TTC3: variants seen among roughly 807,000 people sequenced by gnomAD.
TTC3 encodes tetratricopeptide repeat domain 3.
A neutral mutation model predicts 249.6 loss-of-function variants in TTC3; 180 were observed. The observed-to-expected ratio is 0.72, with a 90% CI of 0.64 to 0.82. TTC3 has a LOEUF of 0.82. Ranked by LOEUF, TTC3 falls within the 40% of genes least tolerant of loss-of-function variation. The pLI, the probability that TTC3 is intolerant of heterozygous loss-of-function variation, is 0.00. For missense variants in TTC3, 2,061 were observed against 2,398.4 expected, an observed-to-expected ratio of 0.86 and a Z score of 2.94; for synonymous variants, 717 against 805.0, an observed-to-expected ratio of 0.89 and a Z score of 1.85.
exon 21 of TTC3, chr21:37,144,538 C>G: frequency 6.2e-7 from 1 of 1,611,006 alleles, no homozygotes; most frequent in African/African-American, 1.3e-5. Context: ...TCTAGAAGCT[C>G]TCAATCACTT....
intron 10 of TTC3, among the ~76,000 whole-genome samples, chr21:37,097,701 T>C (rs991717651): frequency 7.9e-5 from 12 of 152,168 alleles, no homozygotes; most frequent in Non-Finnish European, 1.5e-5. Context: ...ATCTCAGCAG[T>C]ATCTTATGCA....
chr21:37,129,103 A>G, intron 16 of TTC3, 40 bp downstream of exon 16: 2 of 1,446,840 alleles, frequency 1.4e-6, no homozygotes, highest in South Asian at 2.6e-5. Context: ...TCCCCTTAAT[A>G]TACTCTTCCC....
intron 13 of TTC3, among the ~76,000 whole-genome samples, chr21:37,124,243 G>C (rs1244189551): frequency 7.0e-6 from 1 of 143,202 alleles, no homozygotes; most frequent in Non-Finnish European, 1.5e-5. Context: ...AGCCTCCCCA[G>C]TCGCTGGGAT....
At chr21:37,151,947 A>C in exon 26 of TTC3, 3 of 1,607,356 alleles carry the variant, frequency 1.9e-6, no homozygotes, top group African/African-American at 2.7e-5. Flanking sequence ...AGATCCAAAA[A>C]AAAGAAGCAA....
intron 1 of TTC3, among the ~76,000 whole-genome samples, chr21:37,076,694 ATTTTTTTT>A (rs61629167): frequency 2.5e-4 from 24 of 95,008 alleles, no homozygotes; most frequent in Admixed American, 1.6e-3. Context: ...AAACAAAGGG[ATTTTTTTT>A]TTTTTTTTTT....
chr21:37,127,481 A>G (rs1375607700), intron 15 of TTC3, among the ~76,000 whole-genome samples: 2 of 152,198 alleles, frequency 1.3e-5, no homozygotes, highest in Non-Finnish European at 2.9e-5. Context: ...CTGAATCTTA[A>G]TACCACCAGA....
At chr21:37,191,014 G>C (rs1037468539) in intron 39 of TTC3, among the ~76,000 whole-genome samples, 3 of 152,138 alleles carry the variant, frequency 2.0e-5, no homozygotes, top group Non-Finnish European at 4.4e-5. Context: ...AAATGCAGAC[G>C]CTGTCTTTAA....
exon 33 of TTC3, chr21:37,165,829 A>G: frequency 6.2e-7 from 1 of 1,614,234 alleles, no homozygotes; most frequent in Non-Finnish European, 8.5e-7. Flanking sequence ...GAGTTAAACT[A>G]CAACTGAATC....
At chr21:37,104,588 C>CAAAAAAAAAAAAAAAAAAAAAAAAAAAAA (rs141618903) in intron 10 of TTC3, among the ~76,000 whole-genome samples, 1 of 104,334 alleles carries the variant, frequency 9.6e-6, no homozygotes, top group South Asian at 3.3e-4. Context: ...AACTCCGTCT[C>CAAAAAAAAAAAAAAAAAAAAAAAAAAAAA]AAAAAAAAAA....
At chr21:37,113,304 C>G (rs1230245392) in intron 11 of TTC3, among the ~76,000 whole-genome samples, 2 of 152,176 alleles carry the variant, frequency 1.3e-5, no homozygotes, top group Non-Finnish European at 2.9e-5. Context: ...CGTCTCAGCC[C>G]AAAATCTCCT....
intron 10 of TTC3, among the ~76,000 whole-genome samples, chr21:37,104,588 C>CAAAAAACAAAAAAAAAAAAAA (rs2074875891): frequency 9.6e-6 from 1 of 104,334 alleles, no homozygotes; most frequent in Non-Finnish European, 1.9e-5. Flanking sequence ...AACTCCGTCT[C>CAAAAAACAAAAAAAAAAAAAA]AAAAAAAAAA....
intron 42 of TTC3, 137 bp downstream of exon 42, chr21:37,196,173 C>T: frequency 4.4e-6 from 5 of 1,136,276 alleles, no homozygotes; most frequent in Admixed American, 3.1e-5. Flanking sequence ...ACAGTTGCTA[C>T]ATTTCTTTCT....
intron 1 of TTC3, chr21:37,082,523 T>G (rs2071839475): frequency 1.0e-6 from 1 of 985,408 alleles, no homozygotes; most frequent in African/African-American, 1.7e-5. Flanking sequence ...GCATCACTTT[T>G]GAGTTCCTAC....
At chr21:37,160,966 A>G in intron 30 of TTC3, 108 bp downstream of exon 30, 1 of 1,128,756 alleles carries the variant, frequency 8.9e-7, no homozygotes, top group South Asian at 1.7e-5. Context: ...ACATTTGTAG[A>G]GAAAGACTTT....
At position 37,200,343 on chromosome 21, in the gene TTC3, C is replaced by CCA; in HGVS notation, c.5943+19_5943+20insCA. On this transcript the variant is annotated intron_variant, in intron 45 of 45. Transcript: ENST00000355666. ...CAAAGGGGTAAGAGCTCTTTTTGGCCATCCTTACAGCATGCATTGGGACCT... is the reference window on the plus strand; with the variant it reads ...CAAAGGGGTAAGAGCTCTTTTTGGCCCAATCCTTACAGCATGCATTGGGACCT... 1 of 1,611,234 alleles carries CCA rather than the reference C, an allele frequency of 6.2e-7. No individual in the cohort carries two copies. Among genetic ancestry groups the CCA allele is most frequent in the South Asian group, 1.1e-5 (1 of 90,804 alleles).
chr21:37,195,777 C>T (rs980202943), exon 42 of TTC3: 3 of 1,614,102 alleles, frequency 1.9e-6, no homozygotes, highest in Admixed American at 1.7e-5. Context: ...TCACAGGGAT[C>T]CTAGTGTGTT....
At chr21:37,176,173 A>G (rs1213971829) in intron 35 of TTC3, among the ~76,000 whole-genome samples, 4 of 152,242 alleles carry the variant, frequency 2.6e-5, no homozygotes, top group African/African-American at 9.6e-5. Context: ...TGGTTGCAAT[A>G]TTGCTGAAGG....
chr21:37,117,849 AAAAAG>A (rs1254378043), intron 11 of TTC3, among the ~76,000 whole-genome samples: 12 of 150,326 alleles, frequency 8.0e-5, no homozygotes, highest in African/African-American at 3.0e-4. Context: ...AAAAAAAAAA[AAAAAG>A]AAAAAAGAAA....
Position 37,089,401 on chromosome 21 carries a change from T to C in TTC3, c.426+515T>C, listed in dbSNP as rs555571182. ...TGGTTATGGAGTCAAGTGTTGTTCTTGGTACTATTAAATTTAGAAAGGGCA... is the reference window on the plus strand; with the variant it reads ...TGGTTATGGAGTCAAGTGTTGTTCTCGGTACTATTAAATTTAGAAAGGGCA... On this transcript the variant is annotated intron_variant, in intron 5 of 45. Coordinates refer to ENST00000355666, the Ensembl canonical transcript of TTC3. Among the ~76,000 whole-genome samples, 3 of 152,322 alleles carry C rather than the reference T, an allele frequency of 2.0e-5. No homozygotes were observed. In the South Asian group the frequency reaches 6.2e-4, roughly 32 times the overall value.
Sources: gnomAD v4.1 joint callset for allele counts (sites outside exome capture counted in the v4.1 genomes callset) on GRCh38, gnomAD v4.1.1 for gene constraint, MANE v1.5 for transcripts, NCBI Gene and HGNC (gene_info 2026-07-23, HGNC 2026-07-21) for gene names.